The following SUGP1 variants were observed in gnomAD, a reference collection of about 807,000 sequenced individuals.
SUGP1 encodes the protein SURP and G-patch domain-containing protein 1.
A neutral mutation model predicts 76.5 loss-of-function variants in SUGP1; 34 were observed. The ratio of observed to expected loss-of-function variants is 0.44; its 90% CI spans 0.34 to 0.59. The LOEUF (loss-of-function observed/expected upper bound fraction) is 0.59. Ranked by LOEUF, SUGP1 falls within the 20% of genes least tolerant of loss-of-function variation. The probability of loss-of-function intolerance (pLI) is 0.01; values close to 1 mark genes in which losing one functional copy is unlikely to be tolerated. For missense variants in SUGP1, 752 were observed against 851.7 expected, an observed-to-expected ratio of 0.88 and a Z score of 1.46; for synonymous variants, 326 against 326.2, an observed-to-expected ratio of 1.00 and a Z score of 0.01.
chr19:19,280,359 G>C, intron 8 of SUGP1, 68 bp from the exon 9 acceptor site: 2 of 1,419,056 alleles, frequency 1.4e-6, no homozygotes, highest in South Asian at 2.3e-5. Flanking sequence ...CTGCGCTGGG[G>C]TGTGCTGTGA....
intron 3 of SUGP1, among the ~76,000 whole-genome samples, chr19:19,309,186 TA>T (rs2061337123): frequency 6.6e-6 from 1 of 152,100 alleles, no homozygotes. Flanking sequence ...GGTATTAATT[TA>T]CATATTTATT....
At position 19,303,383 on chromosome 19, in the gene SUGP1, T is replaced by C. The variant is rs745392386; in HGVS notation, c.728A>G (p.Lys243Arg). Residue 243 changes from lysine (K) to arginine (R), a missense_variant, in exon 6 of 14, where the codon AAG becomes AGG. Lys to Arg is a conservative substitution (Grantham distance 26). Coordinates refer to ENST00000247001, the MANE Select transcript of SUGP1 (RefSeq NM_172231.4). ...YYRKKVAEIR[K>R]EAQKSQAASQ... The stretch of plus-strand genomic sequence containing the variant: ...GGCTGCCTGCGACTTCTGTGCTTCC[T>C]TTCTTATCTCAGCCACCTTCTTCCT... The C allele has an allele frequency of 3.7e-6, 6 of 1,614,044 alleles. No individual in the cohort carries two copies. Among genetic ancestry groups the C allele is most frequent in the Admixed American group, 3.3e-5 (2 of 59,994 alleles).
chr19:19,294,662 G>A (rs1251331231), intron 8 of SUGP1, among the ~76,000 whole-genome samples: 1 of 151,904 alleles, frequency 6.6e-6, no homozygotes, highest in Non-Finnish European at 1.5e-5. Flanking sequence ...AACCACAGAA[G>A]AAAAAATAGA....
In SUGP1 at chr19:19,296,986, C is replaced by T. The variant is rs1221744709; in HGVS notation, c.1243+3G>A. On this transcript the variant is annotated splice_donor_region_variant and intron_variant, in intron 8 of 13. Transcript: ENST00000247001. ...CACAGGGAGGGGGAGAGGGTCTGCC[C>T]ACCTGACAGAGGCGAGGGAGAGGCA... 1 of 1,566,942 alleles carries T rather than the reference C, an allele frequency of 6.4e-7. No homozygotes were observed. Among genetic ancestry groups the T allele is most frequent in the Non-Finnish European group, 8.7e-7 (1 of 1,150,054 alleles).
At chr19:19,278,586 G>A in intron 11 of SUGP1, 104 bp downstream of exon 11, 2 of 975,572 alleles carry the variant, frequency 2.1e-6, no homozygotes, top group Admixed American at 2.1e-5. Flanking sequence ...CTCCTGCTGT[G>A]ATCGAGAGGG....
chr19:19,300,204 T>G (rs947916505), intron 7 of SUGP1, among the ~76,000 whole-genome samples: 4 of 152,158 alleles, frequency 2.6e-5, no homozygotes, highest in African/African-American at 9.6e-5. Context: ...GCCTCCCAAG[T>G]AGCTGGGATT....
At position 19,316,485 on chromosome 19, in the gene SUGP1, G is replaced by A. The variant is rs1284644586; in HGVS notation, c.143C>T (p.Ala48Val). Residue 48 changes from alanine to valine, a missense_variant, in exon 2 of 14, where the codon GCC (alanine) becomes GTC (valine). Ala to Val is a moderately conservative substitution (Grantham distance 64, BLOSUM62 0). Coordinates refer to ENST00000247001, the MANE Select transcript of SUGP1 (RefSeq NM_172231.4). ...CTGCTTGGCTTTCTGTTCCATTTTG[G>A]CTTCAATTTCCCGTTTCTTCTGAGC... ...LIAQKKREIEAKMEQKAKQNQ... is the reference protein window; with the variant it reads ...LIAQKKREIEVKMEQKAKQNQ... The A allele has an allele frequency of 6.2e-7, 1 of 1,613,808 alleles. No individual in the cohort carries two copies. The highest frequency in any genetic ancestry group is 2.2e-5 in the East Asian group (1 of 44,836).
At chr19:19,302,482 T>C in intron 6 of SUGP1, 94 bp from the exon 7 acceptor site, 3 of 1,526,030 alleles carry the variant, frequency 2.0e-6, no homozygotes, top group Non-Finnish European at 2.7e-6. Context: ...GGGTTTGTTT[T>C]AGGAATGATG....
intron 7 of SUGP1, among the ~76,000 whole-genome samples, chr19:19,299,103 C>A (rs979007413): frequency 6.6e-6 from 1 of 152,212 alleles, no homozygotes; most frequent in South Asian, 2.1e-4. Context: ...GTGTTTCCTG[C>A]CAGTTTCAGC....
intron 12 of SUGP1, 111 bp from the exon 13 acceptor site, chr19:19,277,187 G>T: frequency 8.9e-7 from 1 of 1,124,292 alleles, no homozygotes; most frequent in Non-Finnish European, 1.2e-6. Context: ...GCTGGGCTGG[G>T]ACATATCTGC....
chr19:19,293,909 G>A (rs919289449), intron 8 of SUGP1, among the ~76,000 whole-genome samples: 47 of 152,196 alleles, frequency 3.1e-4, no homozygotes, highest in African/African-American at 1.1e-3. Flanking sequence ...AACAGACCGG[G>A]TGCAGTAGCT....
chr19:19,291,253 A>G (rs997171603), intron 8 of SUGP1, among the ~76,000 whole-genome samples: 5 of 152,224 alleles, frequency 3.3e-5, no homozygotes, highest in African/African-American at 4.8e-5. Flanking sequence ...TTTAGAGTGG[A>G]GATAAGAAAA....
chr19:19,283,645 A>G lies in SUGP1; in HGVS notation c.1244-3354T>C, dbSNP rs966000997. Among the ~76,000 whole-genome samples the G allele has an allele frequency of 4.1e-4, 63 of 152,298 alleles. 1 individual carries two copies. The South Asian group carries it at 5.2e-3, about 13-fold the overall frequency. On this transcript the variant is annotated intron_variant, in intron 8 of 13. Coordinates refer to ENST00000247001, the MANE Select transcript of SUGP1 (RefSeq NM_172231.4). ...TAATTTTTGTATTTTTAGTAGAGAC[A>G]GGTTTCAGCATACTGGCCAGGCTGG...
intron 8 of SUGP1, among the ~76,000 whole-genome samples, chr19:19,291,583 A>G (rs1369657127): frequency 6.6e-6 from 1 of 151,876 alleles, no homozygotes; most frequent in Non-Finnish European, 1.5e-5. Context: ...ATTCGAAAAA[A>G]CCTTCCAACA....
chr19:19,309,071 T>C (rs1209397434), intron 3 of SUGP1, among the ~76,000 whole-genome samples: 7 of 152,048 alleles, frequency 4.6e-5, no homozygotes, highest in Non-Finnish European at 1.0e-4. Flanking sequence ...TTCACCATGT[T>C]GGTCAGGCTG....
At chr19:19,293,011 A>G (rs2061197700) in intron 8 of SUGP1, among the ~76,000 whole-genome samples, 1 of 151,742 alleles carries the variant, frequency 6.6e-6, no homozygotes, top group South Asian at 2.1e-4. Flanking sequence ...GGTTCAAGAG[A>G]TTCTCCTGCT....
At chr19:19,303,661 C>T (rs2061290721) in intron 5 of SUGP1, 63 bp downstream of exon 5, 4 of 1,593,604 alleles carry the variant, frequency 2.5e-6, no homozygotes, top group Non-Finnish European at 3.4e-6. Flanking sequence ...CCCAGCCCCA[C>T]ACGTGCGACT....
intron 2 of SUGP1, among the ~76,000 whole-genome samples, chr19:19,312,275 AATG>A (rs1007851387): frequency 1.0e-5 from 1 of 98,212 alleles, no homozygotes; most frequent in African/African-American, 3.9e-5. Flanking sequence ...AAAACCCAAC[AATG>A]TCTCCCTACT....
chr19:19,302,283 C>T lies in SUGP1; in HGVS notation c.869G>A (p.Arg290His), dbSNP rs17751061. 0.14 allele frequency: 230,611 copies of T among 1,614,082 alleles called. 18,003 individuals carry two copies. Among genetic ancestry groups the T allele is most frequent in the Middle Eastern group, 0.22 (1,341 of 6,054 alleles). ...EVETIALQNN[R>H]ENQAFSFLYE... ...CCCTTACCTGAATGCCTGGTTCTCA[C>T]GGTTGTTCTGGAGGGCAATGGTTTC... Residue 290 changes from arginine to histidine, a missense_variant, in exon 7 of 14, where the codon CGT becomes CAT. Around this residue, in one of 2 missense-constraint regions of SUGP1, gnomAD observed 620 missense variants for 617.3 expected, o/e 1.00. Transcript: ENST00000247001.
Sources: gnomAD v4.1 joint callset for allele counts (sites outside exome capture counted in the v4.1 genomes callset) on GRCh38, gnomAD v4.1.1 for gene constraint, gnomAD v4.1.1 regional missense constraint, MANE v1.5 for transcripts, NCBI Gene and HGNC (gene_info 2026-07-23, HGNC 2026-07-21) for gene names.